Variants in XKR4 observed in about 807,000 individuals in gnomAD.
XKR4 encodes the protein XK related 4.
XKR4 carries 12 observed loss-of-function variants against 53.9 expected under a neutral mutation model. The observed-to-expected ratio is 0.22, with a 90% CI of 0.14 to 0.36. The LOEUF (loss-of-function observed/expected upper bound fraction) is 0.36. Ranked by LOEUF, XKR4 falls within the 10% of genes least tolerant of loss-of-function variation. The pLI, the probability that XKR4 is intolerant of heterozygous loss-of-function variation, is 1.00. For missense variants in XKR4, 799 were observed against 859.5 expected (o/e 0.93, Z 0.88); for synonymous variants, 354 against 362.4 (o/e 0.98, Z 0.26).
At chr8:55,314,356 T>C (rs1480063480) in intron 1 of XKR4, among the ~76,000 whole-genome samples, 2 of 152,120 alleles carry the variant, frequency 1.3e-5, no homozygotes, top group African/African-American at 4.8e-5. Flanking sequence ...GACCTGGTAG[T>C]CATAATAGGT....
chr8:55,295,092 C>T (rs1211675366), intron 1 of XKR4, among the ~76,000 whole-genome samples: 1 of 152,144 alleles, frequency 6.6e-6, no homozygotes, highest in Non-Finnish European at 1.5e-5. Context: ...TCATTATTCA[C>T]ATATTAATAC....
rs117926194 is a variant in XKR4 at position 55,136,631 on chromosome 8, G to A, written c.806+33337G>A. Among the ~76,000 whole-genome samples the A allele has an allele frequency of 4.9e-3, 746 of 152,252 alleles. 5 individuals are homozygous for A. The highest frequency in any genetic ancestry group is 7.0e-3 in the Non-Finnish European group (478 of 68,012). ...GGAAGAGTTAAAACATATAGATTTCGATCTTTTTTGCTCCCTAATAACAAA... is the reference window on the plus strand; with the variant it reads ...GGAAGAGTTAAAACATATAGATTTCAATCTTTTTTGCTCCCTAATAACAAA... On this transcript the variant is annotated intron_variant, in intron 1 of 2. Coordinates refer to ENST00000327381, the MANE Select transcript of XKR4 (RefSeq NM_052898.2).
chr8:55,531,683 G>A lies in XKR4; in HGVS notation c.*7456G>A, dbSNP rs1003237518. The A allele has an allele frequency of 5.3e-5, 8 of 152,274 alleles. 1 individual carries two copies. The highest frequency in any genetic ancestry group is 4.1e-4 in the South Asian group (2 of 4,822). 9.4% of individuals were successfully genotyped at this position (152,274 alleles called of 1,614,324 possible). A position where few individuals can be genotyped will look rare whatever the true frequency, so the allele number is the denominator to read the frequency against. On this transcript the variant is annotated 3_prime_UTR_variant, in exon 3 of 3. Transcript: ENST00000327381. ...ATCATTTTTGGATAAACTTTGAAGC[G>A]ATTCTTGAGAACTTATTTCAAGAAA...
intron 2 of XKR4, among the ~76,000 whole-genome samples, chr8:55,430,766 C>T (rs1197137833): frequency 6.6e-6 from 1 of 152,130 alleles, no homozygotes; most frequent in Non-Finnish European, 1.5e-5. Flanking sequence ...CTTCTGAGGC[C>T]TCTCTCCTTG....
chr8:55,449,738 T>G, intron 2 of XKR4: 1 of 950,744 alleles, frequency 1.1e-6, no homozygotes, highest in Non-Finnish European at 1.7e-6. Context: ...GTGGTCGTAG[T>G]AGCGTAGCTG....
chr8:55,165,804 CAA>C (rs536690179), intron 1 of XKR4, among the ~76,000 whole-genome samples: 8 of 60,450 alleles, frequency 1.3e-4, no homozygotes, highest in Admixed American at 5.3e-4. Flanking sequence ...GACTCCGTCT[CAA>C]AAAAAAAAAA....
At chr8:55,385,490 A>C (rs940939678) in intron 2 of XKR4, among the ~76,000 whole-genome samples, 1 of 152,198 alleles carries the variant, frequency 6.6e-6, no homozygotes, top group Non-Finnish European at 1.5e-5. Context: ...GTCAAGCATC[A>C]TGCTTTATTT....
intron 1 of XKR4, among the ~76,000 whole-genome samples, chr8:55,268,609 C>T (rs1220012689): frequency 6.6e-6 from 1 of 152,032 alleles, no homozygotes; most frequent in Non-Finnish European, 1.5e-5. Context: ...GTATATGTTC[C>T]TTCCCTTCAA....
intron 2 of XKR4, among the ~76,000 whole-genome samples, chr8:55,441,897 G>A (rs1419483631): frequency 1.3e-5 from 2 of 151,878 alleles, no homozygotes; most frequent in East Asian, 3.9e-4. Context: ...TAATATATTG[G>A]AAAAAGAAGA....
chr8:55,461,209 C>A (rs539281263), intron 2 of XKR4, among the ~76,000 whole-genome samples: 4 of 152,366 alleles, frequency 2.6e-5, no homozygotes, highest in Admixed American at 1.3e-4. Flanking sequence ...AGTAGCCTAA[C>A]TGGAAGGCAC....
intron 2 of XKR4, among the ~76,000 whole-genome samples, chr8:55,418,851 G>A (rs929744546): frequency 4.6e-5 from 7 of 150,942 alleles, no homozygotes; most frequent in African/African-American, 1.5e-4. Flanking sequence ...CTTCCTGCCC[G>A]TACTGCTCTC....
At chr8:55,184,007 C>T (rs759490349) in intron 1 of XKR4, among the ~76,000 whole-genome samples, 1 of 152,106 alleles carries the variant, frequency 6.6e-6, no homozygotes, top group Non-Finnish European at 1.5e-5. Flanking sequence ...CAAACTTTCC[C>T]GAATGCCTAA....
At chr8:55,205,998 T>C (rs2042932079) in intron 1 of XKR4, among the ~76,000 whole-genome samples, 1 of 152,204 alleles carries the variant, frequency 6.6e-6, no homozygotes, top group Non-Finnish European at 1.5e-5. Context: ...GCAGTGAGTG[T>C]TACAGCTCTT....
At chr8:55,234,604 A>T (rs904695027) in intron 1 of XKR4, among the ~76,000 whole-genome samples, 4 of 152,188 alleles carry the variant, frequency 2.6e-5, no homozygotes, top group African/African-American at 9.7e-5. Flanking sequence ...GCATCACTCC[A>T]GTAGTTATAT....
At chr8:55,482,432 A>T (rs1002530487) in intron 2 of XKR4, among the ~76,000 whole-genome samples, 1 of 152,228 alleles carries the variant, frequency 6.6e-6, no homozygotes, top group South Asian at 2.1e-4. Flanking sequence ...GCATTAGGAG[A>T]TATACCTAAT....
chr8:55,524,268 G>C lies in XKR4; in HGVS notation c.*41G>C, dbSNP rs1333527225. On this transcript the variant is annotated 3_prime_UTR_variant, in exon 3 of 3. Transcript: ENST00000327381. Reference sequence around the variant, plus strand: ...AGGACCCACAACATCCAGATGAAGGGGTGACAGCAGGGCTGTGGCCATAAT... The same window carrying C: ...AGGACCCACAACATCCAGATGAAGGCGTGACAGCAGGGCTGTGGCCATAAT... 6.4e-7 allele frequency: 1 copy of C among 1,566,840 alleles called. No homozygotes were observed. The highest frequency in any genetic ancestry group is 1.7e-5 in the Admixed American group (1 of 57,934).
At chr8:55,302,778 C>A (rs1427530214) in intron 1 of XKR4, among the ~76,000 whole-genome samples, 1 of 152,126 alleles carries the variant, frequency 6.6e-6, no homozygotes, top group South Asian at 2.1e-4. Context: ...GGAGTTCACT[C>A]ATGATTTGGC....
At chr8:55,472,674 G>A (rs1805908230) in intron 2 of XKR4, among the ~76,000 whole-genome samples, 1 of 152,012 alleles carries the variant, frequency 6.6e-6, no homozygotes, top group Non-Finnish European at 1.5e-5. Flanking sequence ...ATATTCCAGA[G>A]AGATTTGTAA....
At chr8:55,450,814 G>A (rs1320669556) in intron 2 of XKR4, 2 of 509,866 alleles carry the variant, frequency 3.9e-6, no homozygotes, top group South Asian at 3.7e-5. Flanking sequence ...CACATGGGTG[G>A]TGATGTCCCA....
Sources: gnomAD v4.1 joint callset for allele counts (sites outside exome capture counted in the v4.1 genomes callset) on GRCh38, gnomAD v4.1.1 for gene constraint, MANE v1.5 for transcripts, NCBI Gene and HGNC (gene_info 2026-07-23, HGNC 2026-07-21) for gene names.